The following TBC1D1 variants were observed in gnomAD, a reference collection of about 807,000 sequenced individuals.
TBC1D1 encodes the protein TBC1 (tre-2/USP6, BUB2, cdc16) domain family, member 1.
In TBC1D1, 89 loss-of-function variants were observed where a neutral mutation model predicts 125.6. That is an observed-to-expected ratio of 0.71 (90% CI 0.60 to 0.85). TBC1D1 has a LOEUF of 0.85. Among genes scored for constraint, TBC1D1 ranks in the 40% least tolerant of loss-of-function variants. The pLI, the probability that TBC1D1 is intolerant of heterozygous loss-of-function variation, is 0.00. For synonymous variants in TBC1D1, 565 were observed against 564.1 expected (o/e 1.00, Z -0.02); for missense variants, 1,377 against 1,469.2 (o/e 0.94, Z 1.03).
At chr4:38,039,219 G>T (rs947545493) in intron 8 of TBC1D1, among the ~76,000 whole-genome samples, 1 of 131,278 alleles carries the variant, frequency 7.6e-6, no homozygotes, top group Non-Finnish European at 1.6e-5. Context: ...CCAAGTTCAC[G>T]CCATTCTCCT....
chr4:38,056,893 A>G (rs1018715642), intron 12 of TBC1D1, among the ~76,000 whole-genome samples: 1 of 152,156 alleles, frequency 6.6e-6, no homozygotes, highest in Non-Finnish European at 1.5e-5. Flanking sequence ...AGTTTTGAGC[A>G]GTCCTTTTGC....
chr4:38,118,280 T>C, intron 17 of TBC1D1, 88 bp downstream of exon 19: 1 of 1,460,134 alleles, frequency 6.8e-7, no homozygotes, highest in Non-Finnish European at 9.4e-7. Context: ...ATTCTTATTT[T>C]TATACCTGTA....
rs1733469279 is a variant in TBC1D1, at chr4:37,977,657, G to T, written c.418-36852G>T. The T allele has an allele frequency of 1.1e-5, 2 of 178,208 alleles. No individual in the cohort carries two copies. Among genetic ancestry groups the T allele is most frequent in the South Asian group, 1.7e-4 (1 of 6,036 alleles). The allele number at this position is 178,208 out of a possible 1,614,324, so 11.0% of individuals were successfully genotyped here. A position where few individuals can be genotyped will look rare whatever the true frequency, so the allele number is the denominator to read the frequency against. On this transcript the variant is annotated intron_variant, in intron 2 of 19. Transcript: ENST00000261439. The surrounding 1 kb of genome is among the most constrained non-coding windows in gnomAD (Gnocchi z 4.3). The stretch of plus-strand genomic sequence containing the variant: ...CCAGGCGCGGCGGGGGGCGAGCGGC[G>T]GGCGCGACCAGGTCGTTAGCCGCGC...
At chr4:38,051,800 A>G in intron 11 of TBC1D1, 99 bp from the exon 12 acceptor site, 3 of 1,193,204 alleles carry the variant, frequency 2.5e-6, no homozygotes, top group Non-Finnish European at 3.5e-6. Context: ...TGGAACAACG[A>G]GACAAAAGCG....
At chr4:37,899,302 C>A (rs756571620) in intron 1 of TBC1D1, among the ~76,000 whole-genome samples, 1 of 151,956 alleles carries the variant, frequency 6.6e-6, no homozygotes, top group African/African-American at 2.4e-5. Flanking sequence ...GAGATGAGAC[C>A]GAGTTAGCTT....
intron 7 of TBC1D1, among the ~76,000 whole-genome samples, chr4:38,029,328 T>C (rs1745685332): frequency 6.6e-6 from 1 of 152,188 alleles, no homozygotes; most frequent in Non-Finnish European, 1.5e-5. Flanking sequence ...ACGATCTGCT[T>C]TCTGTTAGTG....
intron 13 of TBC1D1, among the ~76,000 whole-genome samples, chr4:38,092,753 AAAG>A (rs1758639164): frequency 7.0e-6 from 1 of 142,778 alleles, no homozygotes; most frequent in African/African-American, 2.7e-5. Context: ...AAAAAAAAAG[AAAG>A]AAGTAATTAT....
chr4:37,988,159 C>G (rs1735830332), intron 2 of TBC1D1, among the ~76,000 whole-genome samples: 1 of 152,236 alleles, frequency 6.6e-6, no homozygotes. Flanking sequence ...TGTCTAGGAA[C>G]AGCAGGGTGT....
At chr4:38,027,668 A>T (rs1000747252) in intron 6 of TBC1D1, 120 bp from the exon 7 acceptor site, 1 of 536,238 alleles carries the variant, frequency 1.9e-6, no homozygotes, top group Non-Finnish European at 3.3e-6. Context: ...TTTATTTCCT[A>T]AAACCTTGGA....
At chr4:38,088,493 G>A (rs1025997233) in intron 12 of TBC1D1, among the ~76,000 whole-genome samples, 15 of 152,152 alleles carry the variant, frequency 9.9e-5, no homozygotes, top group African/African-American at 3.6e-4. Context: ...GCACCTGCTG[G>A]GTGTCAGCAG....
chr4:37,996,245 C>T (rs1737766590), intron 2 of TBC1D1: 14 of 270,672 alleles, frequency 5.2e-5, no homozygotes, highest in South Asian at 4.4e-4. Flanking sequence ...TCTGGCCAGT[C>T]GCCCGGGCTT....
chr4:38,001,751 C>T (rs1044072191), intron 2 of TBC1D1, among the ~76,000 whole-genome samples: 1 of 152,288 alleles, frequency 6.6e-6, no homozygotes, highest in Non-Finnish European at 1.5e-5. Context: ...CTTATTATAT[C>T]GCGATATCAT....
chr4:38,011,417 G>T (rs1400971437), intron 2 of TBC1D1, among the ~76,000 whole-genome samples: 1 of 151,726 alleles, frequency 6.6e-6, no homozygotes, highest in Non-Finnish European at 1.5e-5. Flanking sequence ...TCTGGTAGAG[G>T]GTTTTATAAA....
At chr4:37,989,194 A>G (rs1244128959) in intron 2 of TBC1D1, among the ~76,000 whole-genome samples, 2 of 152,276 alleles carry the variant, frequency 1.3e-5, no homozygotes, top group South Asian at 2.1e-4. Context: ...GAAGCCTGCT[A>G]CCTGGAGGCC....
chr4:37,994,632 TC>T (rs1737369536), intron 2 of TBC1D1, among the ~76,000 whole-genome samples: 1 of 141,070 alleles, frequency 7.1e-6, no homozygotes, highest in African/African-American at 2.6e-5. Flanking sequence ...TTTGTCTTCT[TC>T]CCCCAGCCTC....
intron 2 of TBC1D1, among the ~76,000 whole-genome samples, chr4:37,953,450 T>G (rs1043717866): frequency 6.6e-5 from 10 of 152,216 alleles, no homozygotes; most frequent in African/African-American, 2.4e-4. Flanking sequence ...TTCCCACTTT[T>G]CTGAAATGAA....
At chr4:38,005,114 G>A (rs775824300) in intron 2 of TBC1D1, among the ~76,000 whole-genome samples, 5 of 152,146 alleles carry the variant, frequency 3.3e-5, no homozygotes, top group South Asian at 2.1e-4. Flanking sequence ...CCTTTCTGTT[G>A]AGCCTAACAA....
intron 12 of TBC1D1, among the ~76,000 whole-genome samples, chr4:38,064,122 A>T (rs1045073927): frequency 6.6e-6 from 1 of 152,214 alleles, no homozygotes; most frequent in Non-Finnish European, 1.5e-5. Flanking sequence ...CTTTGATTTA[A>T]CATGTTTTCA....
chr4:38,118,844 A>T (rs1450564500), intron 17 of TBC1D1, among the ~76,000 whole-genome samples: 1 of 152,168 alleles, frequency 6.6e-6, no homozygotes, highest in Non-Finnish European at 1.5e-5. Context: ...CTGCCTTTAT[A>T]TTCTTGATTT....
Sources: allele counts gnomAD v4.1 joint callset (sites outside exome capture counted in the v4.1 genomes callset), GRCh38; gene constraint gnomAD v4.1.1; non-coding constraint Gnocchi (gnomAD v3.1); transcripts MANE v1.5; gene names NCBI Gene and HGNC (gene_info 2026-07-23, HGNC 2026-07-21).